COQ4: variants seen among roughly 807,000 people sequenced by gnomAD.
COQ4 encodes coenzyme Q4.
COQ4 carries 36 observed loss-of-function variants against 30.2 expected under a neutral mutation model. That is an observed-to-expected ratio of 1.19 (90% CI 0.91 to 1.57). COQ4 has a LOEUF of 1.57. Among genes scored for constraint, COQ4 ranks in the 40% most tolerant of loss-of-function variants. The pLI, the probability that COQ4 is intolerant of heterozygous loss-of-function variation, is 0.00. For missense variants in COQ4, 369 were observed against 371.9 expected, an observed-to-expected ratio of 0.99 and a Z score of 0.07; for synonymous variants, 197 against 161.0, an observed-to-expected ratio of 1.22 and a Z score of -1.69.
At chr9:128,330,484 A>G (rs1248790352) in intron 4 of COQ4, 2 of 152,084 alleles carry the variant, frequency 1.3e-5, no homozygotes, top group Non-Finnish European at 1.5e-5. Context: ...TATTAAAATT[A>G]AGGTGGAATT....
chr9:128,332,016 C>T (rs1832420889), intron 4 of COQ4, 137 bp from the exon 5 acceptor site: 1 of 1,031,138 alleles, frequency 9.7e-7, no homozygotes. Context: ...AGGCATGAGC[C>T]TCGGCCCCTG....
At position 128,333,662 on chromosome 9, in the gene COQ4, G is replaced by A; in HGVS notation, c.*17G>A. On this transcript the variant is annotated 3_prime_UTR_variant, in exon 7 of 7. Coordinates refer to ENST00000300452, the MANE Select transcript of COQ4 (RefSeq NM_016035.5). Reference sequence around the variant, plus strand: ...TTGGCCTGAGCTCCTGAGCCAGCGGGGCCTGGCCTACCTCCCCCATCCCCT... The same window carrying A: ...TTGGCCTGAGCTCCTGAGCCAGCGGAGCCTGGCCTACCTCCCCCATCCCCT... 6.6e-7 allele frequency: 1 copy of A among 1,512,006 alleles called. No individual in the cohort carries two copies. Among genetic ancestry groups the A allele is most frequent in the Non-Finnish European group, 8.8e-7 (1 of 1,135,388 alleles). 93.7% of individuals were successfully genotyped at this position (1,512,006 alleles called of 1,614,324 possible).
rs777324123 is a variant in COQ4, at chr9:128,322,882, C to T, written c.24C>T (p.Val8=). 8 of 1,585,996 alleles carry T rather than the reference C, an allele frequency of 5.0e-6. No homozygotes were observed. The highest frequency in any genetic ancestry group is 2.3e-5 in the East Asian group (1 of 43,768). Residue 8 remains valine, a synonymous_variant, in exon 1 of 7, where the codon GTC becomes GTT. Transcript: ENST00000300452. The part of the protein sequence containing the change: MATLLRP[V]LRRLCGLPGL... ...CCATGGCGACTCTGCTGCGCCCTGT[C>T]CTCCGTCGGCTCTGCGGGCTCCCGG...
chr9:128,322,951 C>T (rs1269988216), intron 1 of COQ4, 23 bp downstream of exon 1: 10 of 1,603,626 alleles, frequency 6.2e-6, no homozygotes, highest in Middle Eastern at 1.7e-4. Flanking sequence ...GGGTTCTGGG[C>T]GCAGGCGGGA....
chr9:128,327,540 C>T (rs1832342592), intron 4 of COQ4, among the ~76,000 whole-genome samples: 1 of 152,078 alleles, frequency 6.6e-6, no homozygotes, highest in African/African-American at 2.4e-5. Flanking sequence ...TGGCTCATGC[C>T]TGTAATCCTA....
intron 4 of COQ4, among the ~76,000 whole-genome samples, chr9:128,329,904 A>T (rs917045866): frequency 6.6e-6 from 1 of 152,138 alleles, no homozygotes; most frequent in Non-Finnish European, 1.5e-5. Flanking sequence ...AGTTAAGAGG[A>T]GAAGAGTTCT....
rs749504112 is a variant in COQ4, at chr9:128,323,064, A to ACCACCTCC, written c.130_137dup (p.Leu47ProfsTer30). ...GACGGCGCCGGCCCGCTATACTCGC[A>ACCACCTCC]CCACCTCCCCACCTCCCCGCTGCAG... is the stretch of plus-strand genomic sequence containing the variant. On this transcript the variant is annotated frameshift_variant, in exon 2 of 7. Transcript: ENST00000300452. LOFTEE classifies it high-confidence loss of function. The ACCACCTCC allele has an allele frequency of 1.2e-5, 20 of 1,611,980 alleles. No homozygotes were observed. The highest frequency in any genetic ancestry group is 5.0e-5 in the Admixed American group (3 of 60,002).
At position 128,325,204 on chromosome 9, in the gene COQ4, G is replaced by C. The variant is rs780517290; in HGVS notation, c.264G>C (p.Gln88His). The C allele has an allele frequency of 1.2e-6, 2 of 1,614,018 alleles. No individual in the cohort carries two copies. Among genetic ancestry groups the C allele is most frequent in the African/African-American group, 1.3e-5 (1 of 74,936 alleles). ...GHRTLKVLRD[Q>H]MRRDPEGAQI... ...GCACCCTGAAGGTCCTCAGGGACCA[G>C]ATGAGGAGGGATCCAGAGGGTGCCC... Residue 88 changes from glutamine (Q) to histidine (H), a missense_variant, in exon 3 of 7, where the codon CAG (glutamine) becomes CAC (histidine). Gln to His is a conservative substitution (Grantham distance 24). Transcript: ENST00000300452.
chr9:128,325,903 A>G, intron 4 of COQ4, 22 bp downstream of exon 4: 7 of 1,594,988 alleles, frequency 4.4e-6, no homozygotes, highest in Non-Finnish European at 6.0e-6. Flanking sequence ...GCTCCTGTGT[A>G]TCTGGCAGTC....
intron 4 of COQ4, chr9:128,326,148 A>C: frequency 3.5e-6 from 2 of 570,890 alleles, no homozygotes; most frequent in East Asian, 3.0e-5. Flanking sequence ...TCCCCCCACA[A>C]CTCTGTCAAG....
Position 128,332,173 on chromosome 9 carries a change from A to C in COQ4, c.423A>C (p.Arg141=), listed in dbSNP as rs373644120. Reference sequence around the variant, plus strand: ...GTCAGAGGGTCTCCCCAGACACCCGAGCACCCACCCGCTTCGTGGATGATG... The same window carrying C: ...GTCAGAGGGTCTCCCCAGACACCCGCGCACCCACCCGCTTCGTGGATGATG... The part of the protein sequence containing the change: ...LDVNRVSPDT[R]APTRFVDDEE... Residue 141 remains arginine, a synonymous_variant, in exon 5 of 7, where the codon CGA becomes CGC. Coordinates refer to ENST00000300452, the MANE Select transcript of COQ4 (RefSeq NM_016035.5). 1 of 1,581,884 alleles carries C rather than the reference A, an allele frequency of 6.3e-7. No homozygotes were observed. Among genetic ancestry groups the C allele is most frequent in the Non-Finnish European group, 8.6e-7 (1 of 1,163,900 alleles).
intron 4 of COQ4, chr9:128,330,391 TAAATA>T (rs1832386635): frequency 1.3e-5 from 2 of 151,694 alleles, no homozygotes; most frequent in South Asian, 2.1e-4. Flanking sequence ...AAAATAAAAA[TAAATA>T]AATAAAATGT....
Position 128,325,810 on chromosome 9 carries a change from G to A in COQ4, c.331G>A (p.Asp111Asn), listed in dbSNP as rs530213004. The A allele has an allele frequency of 3.2e-5, 51 of 1,614,068 alleles. No individual in the cohort carries two copies. In the Admixed American group the frequency reaches 6.0e-4, roughly 19 times the overall value. The change falls in exon 4 of 7, where the codon GAC becomes AAC. Residue 111 changes from aspartate to asparagine, a missense_variant. Physicochemically the swap from Asp to Asn is conservative, Grantham distance 23. Coordinates refer to ENST00000300452, the MANE Select transcript of COQ4 (RefSeq NM_016035.5). ...ERPRISTSTL[D>N]LGKLQSLPEG... ...TCCCCGGATTTCGACATCCACCCTCGACCTGGGCAAGCTCCAGAGCCTGCC... is the reference window on the plus strand; with the variant it reads ...TCCCCGGATTTCGACATCCACCCTCAACCTGGGCAAGCTCCAGAGCCTGCC...
intron 6 of COQ4, 29 bp downstream of exon 6, chr9:128,332,972 G>A (rs756461703): frequency 1.3e-6 from 2 of 1,541,614 alleles, no homozygotes; most frequent in South Asian, 1.1e-5. Context: ...GCTGGGTCGG[G>A]GTTGAGGGTG....
chr9:128,333,130 G>A (rs1164627368), intron 6 of COQ4, among the ~76,000 whole-genome samples, 187 bp downstream of exon 6: 2 of 152,174 alleles, frequency 1.3e-5, no homozygotes, highest in African/African-American at 4.8e-5. Flanking sequence ...GGGTCTTCAA[G>A]TGAGCAAATA....
rs987827467 is a variant in COQ4 at position 128,322,884 on chromosome 9, T to C, written c.26T>C (p.Leu9Pro). 6.3e-7 allele frequency: 1 copy of C among 1,587,014 alleles called. No individual in the cohort carries two copies. Among genetic ancestry groups the C allele is most frequent in the South Asian group, 1.1e-5 (1 of 89,226 alleles). The change falls in exon 1 of 7, where the codon CTC (leucine) becomes CCC (proline). Residue 9 changes from leucine (L) to proline (P), a missense_variant. Physicochemically the swap from Leu to Pro is moderately conservative, Grantham distance 98 (BLOSUM62 -3). Coordinates refer to ENST00000300452, the MANE Select transcript of COQ4 (RefSeq NM_016035.5). ...ATGGCGACTCTGCTGCGCCCTGTCCTCCGTCGGCTCTGCGGGCTCCCGGGC... is the reference window on the plus strand; with the variant it reads ...ATGGCGACTCTGCTGCGCCCTGTCCCCCGTCGGCTCTGCGGGCTCCCGGGC... MATLLRPV[L>P]RRLCGLPGLQ...
At position 128,323,068 on chromosome 9, in the gene COQ4, C is replaced by G; in HGVS notation, c.123C>G (p.His41Gln). 1 of 1,612,066 alleles carries G rather than the reference C, an allele frequency of 6.2e-7. No homozygotes were observed. The highest frequency in any genetic ancestry group is 8.5e-7 in the Non-Finnish European group (1 of 1,179,698). The change falls in exon 2 of 7, where the codon CAC becomes CAG. Residue 41 changes from histidine to glutamine, a missense_variant. Transcript: ENST00000300452. ...SDGAGPLYSH[H>Q]LPTSPLQKGL... Reference sequence around the variant, plus strand: ...GCGCCGGCCCGCTATACTCGCACCACCTCCCCACCTCCCCGCTGCAGAAAG... The same window carrying G: ...GCGCCGGCCCGCTATACTCGCACCAGCTCCCCACCTCCCCGCTGCAGAAAG...
chr9:128,326,796 C>T (rs1022743330), intron 4 of COQ4, among the ~76,000 whole-genome samples: 1 of 152,052 alleles, frequency 6.6e-6, no homozygotes, highest in Non-Finnish European at 1.5e-5. Flanking sequence ...GCCACCCAGG[C>T]TGGAGTGCAG....
At position 128,329,563 on chromosome 9, in the gene COQ4, T is replaced by A. The variant is rs960399138; in HGVS notation, c.403-2590T>A. 2.0e-5 allele frequency among the ~76,000 whole-genome samples: 3 copies of A among 152,078 alleles called. No homozygotes were observed. In the East Asian group the frequency reaches 5.8e-4, roughly 29 times the overall value. Reference sequence around the variant, plus strand: ...TTTTGTATTTTTAGTATAGGCGGGATTTCATCATATTGGCCAGGCTGGTCT... The same window carrying A: ...TTTTGTATTTTTAGTATAGGCGGGAATTCATCATATTGGCCAGGCTGGTCT... On this transcript the variant is annotated intron_variant, in intron 4 of 6. Transcript: ENST00000300452.
Sources: gnomAD v4.1 joint callset for allele counts (sites outside exome capture counted in the v4.1 genomes callset) on GRCh38, gnomAD v4.1.1 for gene constraint, MANE v1.5 for transcripts, NCBI Gene and HGNC (gene_info 2026-07-23, HGNC 2026-07-21) for gene names.